Variants in NLGN4X observed in about 807,000 individuals in gnomAD.
NLGN4X encodes neuroligin 4 X-linked.
Under a neutral mutation model 40.3 loss-of-function variants are expected in NLGN4X, and 3 were observed. The ratio of observed to expected loss-of-function variants is 0.07; its 90% CI spans 0.03 to 0.19. NLGN4X has a LOEUF of 0.19. NLGN4X is among the 10% of genes least tolerant of loss of function. The probability of loss-of-function intolerance (pLI) is 1.00; values close to 1 mark genes in which losing one functional copy is unlikely to be tolerated. For missense variants in NLGN4X, 382 were observed against 708.3 expected (o/e 0.54, Z 5.23); for synonymous variants, 270 against 306.8 (o/e 0.88, Z 1.25).
chrX:5,896,686 A>G (rs952495374), intron 5 of NLGN4X, among the ~76,000 whole-genome samples: 5 of 112,167 alleles, frequency 4.5e-5, no homozygotes, highest in Non-Finnish European at 9.4e-5. Flanking sequence ...AGATGGATAT[A>G]GTACTATGAT....
At chrX:6,224,709 C>A (rs758775704) in intron 1 of NLGN4X, among the ~76,000 whole-genome samples, 1 of 109,452 alleles carries the variant, frequency 9.1e-6, no homozygotes, top group East Asian at 2.9e-4. Context: ...GTTTGAGGGC[C>A]AACTGTATAC....
At chrX:5,921,391 CAGAGAGAGAGAGAGAG>C (rs56879029) in intron 3 of NLGN4X, among the ~76,000 whole-genome samples, 14 of 53,086 alleles carry the variant, frequency 2.6e-4, no homozygotes, top group Admixed American at 7.6e-4. Context: ...GAAAATGAAC[CAGAGAGAGAGAGAGAG>C]AGAGAGAGAG....
At chrX:5,999,069 G>A (rs1327850686) in intron 3 of NLGN4X, among the ~76,000 whole-genome samples, 1 of 111,829 alleles carries the variant, frequency 8.9e-6, no homozygotes, top group Non-Finnish European at 1.9e-5. Flanking sequence ...CTTCTGAACA[G>A]CCTTTTCCAG....
chrX:5,942,215 C>T (rs1213791186), intron 3 of NLGN4X, among the ~76,000 whole-genome samples: 2 of 110,305 alleles, frequency 1.8e-5, no homozygotes, highest in African/African-American at 6.6e-5. Flanking sequence ...ATGATTGCAC[C>T]ACTGCATTCA....
At chrX:5,901,252 C>T (rs1449623455) in intron 5 of NLGN4X, among the ~76,000 whole-genome samples, 1 of 112,319 alleles carries the variant, frequency 8.9e-6, no homozygotes, top group South Asian at 3.7e-4. Flanking sequence ...CCACCAGCAT[C>T]CCCAGATCTT....
chrX:6,093,796 A>G (rs2038695844), intron 2 of NLGN4X, among the ~76,000 whole-genome samples: 1 of 111,934 alleles, frequency 8.9e-6, no homozygotes, highest in Non-Finnish European at 1.9e-5. Context: ...AACAGAAAGC[A>G]TTTTAAGAGA....
At chrX:6,048,948 G>A (rs1367375352) in intron 2 of NLGN4X, among the ~76,000 whole-genome samples, 2 of 106,754 alleles carry the variant, frequency 1.9e-5, no homozygotes, top group Non-Finnish European at 3.8e-5. Context: ...CATGGCACAC[G>A]TTTACCTATG....
In NLGN4X at chrX:6,164,427, C is replaced by T. The variant is rs138016069; in HGVS notation, c.-305-12656G>A. On this transcript the variant is annotated intron_variant, in intron 1 of 5. Coordinates refer to ENST00000381095, the MANE Select transcript of NLGN4X (RefSeq NM_181332.3). Reference sequence around the variant, plus strand: ...ACTGTCAGTTTGAGTAAGAAAAAAACACTCAATTTCTAAATAGCACAGTTT... The same window carrying T: ...ACTGTCAGTTTGAGTAAGAAAAAAATACTCAATTTCTAAATAGCACAGTTT... Among the ~76,000 whole-genome samples, 575 of 112,053 alleles carry T rather than the reference C, an allele frequency of 5.1e-3. 4 individuals are homozygous for T. The highest frequency in any genetic ancestry group is 0.018 in the African/African-American group (549 of 30,842).
chrX:6,111,804 T>C (rs1405179642), intron 2 of NLGN4X, among the ~76,000 whole-genome samples: 1 of 111,638 alleles, frequency 9.0e-6, no homozygotes, highest in Non-Finnish European at 1.9e-5. Flanking sequence ...TAAGGTATTT[T>C]GTTATAGCAG....
intron 3 of NLGN4X, among the ~76,000 whole-genome samples, chrX:5,965,471 A>T (rs1333890148): frequency 8.9e-6 from 1 of 112,376 alleles, no homozygotes; most frequent in Non-Finnish European, 1.9e-5. Context: ...TAGAATGTGC[A>T]CGCTTCAGTT....
chrX:5,932,576 A>C (rs2033586210), intron 3 of NLGN4X, among the ~76,000 whole-genome samples: 2 of 112,250 alleles, frequency 1.8e-5, no homozygotes, highest in African/African-American at 3.2e-5. Context: ...GATTATAATA[A>C]GAAGTAAAAG....
chrX:6,096,851 G>A (rs1336206162), intron 2 of NLGN4X, among the ~76,000 whole-genome samples: 1 of 111,375 alleles, frequency 9.0e-6, no homozygotes, highest in Admixed American at 9.6e-5. Context: ...GAAAAATCAT[G>A]GGTTGTTTGT....
chrX:6,064,355 C>T (rs2147339841), intron 2 of NLGN4X, among the ~76,000 whole-genome samples: 1 of 111,936 alleles, frequency 8.9e-6, no homozygotes, highest in South Asian at 3.8e-4. Context: ...GGACACATGA[C>T]TTTATCGCCT....
chrX:6,093,713 T>C (rs1279125072), intron 2 of NLGN4X, among the ~76,000 whole-genome samples: 1 of 111,395 alleles, frequency 9.0e-6, no homozygotes, highest in Non-Finnish European at 1.9e-5. Flanking sequence ...AAAAAATATA[T>C]TCTCAGCAAT....
intron 1 of NLGN4X, among the ~76,000 whole-genome samples, chrX:6,152,569 T>C (rs1212177788): frequency 8.9e-6 from 1 of 112,017 alleles, no homozygotes; most frequent in African/African-American, 3.2e-5. Context: ...TGTGGATATT[T>C]ATCAGGCCAC....
intron 3 of NLGN4X, among the ~76,000 whole-genome samples, chrX:5,981,298 T>G (rs2147066073): frequency 9.0e-6 from 1 of 111,183 alleles, no homozygotes; most frequent in South Asian, 3.8e-4. Flanking sequence ...CTTTTCCATT[T>G]CTACAATATT....
intron 2 of NLGN4X, among the ~76,000 whole-genome samples, chrX:6,134,193 T>C (rs1377212130): frequency 8.9e-6 from 1 of 111,864 alleles, no homozygotes; most frequent in Non-Finnish European, 1.9e-5. Flanking sequence ...GCCCTGTAAT[T>C]AACTGACCAT....
chrX:6,045,510 T>C (rs1296874140), intron 2 of NLGN4X, among the ~76,000 whole-genome samples: 5 of 111,601 alleles, frequency 4.5e-5, no homozygotes, highest in Non-Finnish European at 9.4e-5. Context: ...AGGAATTAGG[T>C]TGACTCTACA....
intron 3 of NLGN4X, among the ~76,000 whole-genome samples, chrX:5,938,379 A>C (rs2033801967): frequency 9.0e-6 from 1 of 111,158 alleles, no homozygotes; most frequent in Non-Finnish European, 1.9e-5. Flanking sequence ...GGGTCGGAGA[A>C]TTTGGGGGAT....
Sources: allele counts gnomAD v4.1 joint callset (sites outside exome capture counted in the v4.1 genomes callset), GRCh38; gene constraint gnomAD v4.1.1; transcripts MANE v1.5; gene names NCBI Gene and HGNC (gene_info 2026-07-23, HGNC 2026-07-21).